SYN3: variants seen among roughly 807,000 people sequenced by gnomAD.
SYN3 encodes synapsin III.
In SYN3, 35 loss-of-function variants were observed where a neutral mutation model predicts 65.8. The ratio of observed to expected loss-of-function variants is 0.53; its 90% CI spans 0.41 to 0.70. The LOEUF is 0.70. Ranked by LOEUF, SYN3 falls within the 30% of genes least tolerant of loss-of-function variation. SYN3 has a pLI of 0.00. For missense variants in SYN3, 680 were observed against 749.0 expected, an observed-to-expected ratio of 0.91 and a Z score of 1.08; for synonymous variants, 270 against 292.9, an observed-to-expected ratio of 0.92 and a Z score of 0.80.
chr22:32,631,084 A>G (rs11914127), intron 6 of SYN3, among the ~76,000 whole-genome samples: 1,976 of 114,358 alleles, frequency 0.017, 45 homozygotes, highest in African/African-American at 0.1. Flanking sequence ...ACCTGAGGTC[A>G]GGAGTTCCGA....
intron 6 of SYN3, among the ~76,000 whole-genome samples, chr22:32,834,197 G>A (rs936151674): frequency 6.6e-6 from 1 of 151,922 alleles, no homozygotes; most frequent in Non-Finnish European, 1.5e-5. Context: ...TTCTTGCCCA[G>A]GCTGGAGTGC....
At chr22:32,620,602 C>T (rs752593830) in intron 6 of SYN3, among the ~76,000 whole-genome samples, 39 of 152,076 alleles carry the variant, frequency 2.6e-4, no homozygotes, top group Admixed American at 3.3e-4. Context: ...GAAAGAGGGC[C>T]CCAAATTGCC....
intron 6 of SYN3, among the ~76,000 whole-genome samples, chr22:32,667,919 G>A (rs1157731756): frequency 3.4e-5 from 5 of 148,852 alleles, no homozygotes; most frequent in Non-Finnish European, 5.9e-5. Context: ...TCAGCCTCCC[G>A]AGTAGCTGGG....
At position 32,650,215 on chromosome 22, in the gene SYN3, TTCTCTC is replaced by T. The variant is rs140464317; in HGVS notation, c.712-53485_712-53480del. On this transcript the variant is annotated intron_variant, in intron 6 of 13. Transcript: ENST00000358763. Reference sequence around the variant, plus strand: ...TATTCTAAGCTCTTTACACTTTTCTTTCTCTCTCTCTCTCTCTCCCTCCCTCCCTCC... The same window carrying T: ...TATTCTAAGCTCTTTACACTTTTCTTTCTCTCTCTCTCCCTCCCTCCCTCC... Among the ~76,000 whole-genome samples the T allele has an allele frequency of 8.9e-3, 1,096 of 122,596 alleles. 27 individuals are homozygous for T. Among genetic ancestry groups the T allele is most frequent in the East Asian group, 0.027 (72 of 2,672 alleles). The allele number at this position is 122,596 out of a possible 152,430, so 80.4% of individuals were successfully genotyped here.
intron 6 of SYN3, among the ~76,000 whole-genome samples, chr22:32,659,569 T>G (rs4820087): frequency 0.16 from 23,728 of 152,196 alleles, 3,104 homozygotes; most frequent in East Asian, 0.71. Context: ...TTGCTAGACA[T>G]TCTTTACCTC....
intron 6 of SYN3, among the ~76,000 whole-genome samples, chr22:32,753,615 T>C (rs2045205435): frequency 6.6e-6 from 1 of 152,250 alleles, no homozygotes; most frequent in African/African-American, 2.4e-5. Context: ...CACCCTTTCA[T>C]TCTCGTCTAT....
chr22:32,880,772 T>A (rs2049109551), intron 4 of SYN3, among the ~76,000 whole-genome samples: 1 of 152,228 alleles, frequency 6.6e-6, no homozygotes. Flanking sequence ...TCCTAAGAAC[T>A]ACTAAATACA....
intron 8 of SYN3, among the ~76,000 whole-genome samples, chr22:32,539,701 A>G (rs961601447): frequency 5.9e-5 from 9 of 152,130 alleles, no homozygotes; most frequent in Non-Finnish European, 1.3e-4. Flanking sequence ...GGCCAGCCCA[A>G]GGTCCAGGAA....
intron 7 of SYN3, among the ~76,000 whole-genome samples, chr22:32,548,053 A>G (rs2058359531): frequency 6.6e-6 from 1 of 152,340 alleles, no homozygotes; most frequent in South Asian, 2.1e-4. Context: ...AGCTGCTTCC[A>G]GGCCCTTCAC....
At chr22:32,868,934 A>T (rs756748641) in intron 5 of SYN3, 32 bp downstream of exon 5, 1 of 1,602,206 alleles carries the variant, frequency 6.2e-7, no homozygotes, top group Non-Finnish European at 8.5e-7. Context: ...TGCCTCCCAG[A>T]TCCCTCCAGG....
At chr22:32,652,552 T>C (rs2060088084) in intron 6 of SYN3, among the ~76,000 whole-genome samples, 1 of 151,992 alleles carries the variant, frequency 6.6e-6, no homozygotes, top group South Asian at 2.1e-4. Flanking sequence ...GCAAATCAGA[T>C]TTATATAAAA....
intron 4 of SYN3, among the ~76,000 whole-genome samples, chr22:32,908,884 TA>T (rs567113626): frequency 4.5e-4 from 69 of 152,226 alleles, no homozygotes; most frequent in Non-Finnish European, 8.5e-4. Context: ...TAAGACATCC[TA>T]AAAAACCCTA....
At chr22:32,540,488 T>G (rs2058237115) in intron 8 of SYN3, among the ~76,000 whole-genome samples, 3 of 152,228 alleles carry the variant, frequency 2.0e-5, no homozygotes, top group African/African-American at 7.2e-5. Context: ...ATTGGCCCTC[T>G]GGGGTCTCAT....
intron 6 of SYN3, among the ~76,000 whole-genome samples, chr22:32,780,274 C>T (rs936335020): frequency 6.6e-6 from 1 of 151,810 alleles, no homozygotes; most frequent in East Asian, 1.9e-4. Context: ...TGAAGCTGGC[C>T]CTGGGGGGTG....
intron 2 of SYN3, among the ~76,000 whole-genome samples, chr22:32,982,548 TGA>T (rs1244388263): frequency 1.3e-5 from 2 of 152,236 alleles, no homozygotes; most frequent in African/African-American, 4.8e-5. Flanking sequence ...ATCTCTATAC[TGA>T]GAGTCTCTTC....
chr22:32,962,137 T>C (rs867199110), intron 3 of SYN3, among the ~76,000 whole-genome samples: 10,323 of 119,206 alleles, frequency 0.087, 419 homozygotes, highest in Middle Eastern at 0.15. Context: ...CTCTTTTTTT[T>C]TTTTTTTTTT....
At chr22:32,637,440 AC>A (rs2059831666) in intron 6 of SYN3, among the ~76,000 whole-genome samples, 1 of 151,600 alleles carries the variant, frequency 6.6e-6, no homozygotes, top group South Asian at 2.1e-4. Context: ...ATTAATTTCC[AC>A]CTTCTCCCTG....
chr22:32,946,176 G>A (rs1191418077), intron 3 of SYN3, among the ~76,000 whole-genome samples: 3 of 152,158 alleles, frequency 2.0e-5, no homozygotes, highest in Admixed American at 6.5e-5. Context: ...GTTTGACCCA[G>A]CCATCCCATT....
At chr22:32,976,420 A>G (rs2052190025) in intron 3 of SYN3, among the ~76,000 whole-genome samples, 1 of 152,190 alleles carries the variant, frequency 6.6e-6, no homozygotes, top group Non-Finnish European at 1.5e-5. Flanking sequence ...CTTCTCTTTT[A>G]AAAATTAGAG....
Sources: allele counts gnomAD v4.1 joint callset (sites outside exome capture counted in the v4.1 genomes callset), GRCh38; gene constraint gnomAD v4.1.1; transcripts MANE v1.5; gene names NCBI Gene and HGNC (gene_info 2026-07-23, HGNC 2026-07-21).